CFAP47: variants seen among roughly 807,000 people sequenced by gnomAD.
The protein encoded by CFAP47 is cilia and flagella associated protein 47.
A neutral mutation model predicts 148.1 loss-of-function variants in CFAP47; 29 were observed. The observed-to-expected ratio is 0.20, with a 90% confidence interval of 0.15 to 0.27. CFAP47 has a LOEUF of 0.27. Ranked by LOEUF, CFAP47 falls within the 10% of genes least tolerant of loss-of-function variation. The pLI is 1.00. For missense variants in CFAP47, 1,872 were observed against 1,697.5 expected (o/e 1.10, Z -1.81); for synonymous variants, 664 against 577.3 (o/e 1.15, Z -2.15).
chrX:36,236,926 A>T, intron 48 of CFAP47, 67 bp downstream of exon 48: 1 of 411,210 alleles, frequency 2.4e-6, no homozygotes, highest in Non-Finnish European at 4.3e-6. Context: ...AAATATAATA[A>T]TTACAAACAA....
intron 3 of CFAP47, among the ~76,000 whole-genome samples, chrX:35,943,882 C>T (rs764910299): frequency 2.4e-4 from 26 of 110,634 alleles, no homozygotes; most frequent in East Asian, 5.7e-4. Context: ...TGTTTTGATA[C>T]GGGCATCCAA....
intron 33 of CFAP47, among the ~76,000 whole-genome samples, chrX:36,129,722 C>T (rs1938910277): frequency 9.0e-6 from 1 of 111,101 alleles, no homozygotes; most frequent in Non-Finnish European, 1.9e-5. Flanking sequence ...TGAAATCTAT[C>T]TTAGGAGTAC....
rs1400926021 is a variant in CFAP47 at position 36,371,739 on chromosome X, TATGTGTGTATATACACAC to T, written c.9185+4637_9185+4654del. ...GTGTATATACACACATGTGTGTATA[TATGTGTGTATATACACAC>T]ATGTGTGTATATACACACATGTGTA... is the stretch of plus-strand genomic sequence containing the variant. On this transcript the variant is annotated intron_variant, in intron 62 of 63. Coordinates refer to ENST00000378653, the MANE Select transcript of CFAP47 (RefSeq NM_001304548.2). Among the ~76,000 whole-genome samples, 138 of 58,721 alleles carry T rather than the reference TATGTGTGTATATACACAC, an allele frequency of 2.4e-3. 9 individuals are homozygous for T. Among genetic ancestry groups the T allele is most frequent in the Admixed American group, 3.6e-3 (21 of 5,871 alleles). 51.0% of individuals were successfully genotyped at this position (58,721 alleles called of 115,157 possible).
intron 15 of CFAP47, among the ~76,000 whole-genome samples, chrX:35,977,719 C>T (rs992127489): frequency 8.9e-6 from 1 of 111,934 alleles, no homozygotes; most frequent in African/African-American, 3.2e-5. Context: ...TTGTGAATAT[C>T]AGTCATTTCC....
chrX:36,228,868 A>C (rs1216687462), intron 46 of CFAP47, 44 bp downstream of exon 46: 9 of 495,664 alleles, frequency 1.8e-5, no homozygotes, highest in Non-Finnish European at 3.3e-5. Flanking sequence ...TCATATTGCC[A>C]CTGTGTCAAT....
intron 26 of CFAP47, among the ~76,000 whole-genome samples, chrX:36,051,798 T>A (rs969302949): frequency 3.6e-5 from 4 of 111,224 alleles, no homozygotes; most frequent in Non-Finnish European, 7.5e-5. Flanking sequence ...TGGCTATGTC[T>A]CTACCCAAAG....
At chrX:36,310,713 T>A in intron 55 of CFAP47, 120 bp from the exon 56 acceptor site, 1 of 366,568 alleles carries the variant, frequency 2.7e-6, no homozygotes, top group Non-Finnish European at 4.6e-6. Flanking sequence ...AAACAATGCT[T>A]TTTAACAACA....
intron 46 of CFAP47, among the ~76,000 whole-genome samples, chrX:36,231,292 C>T (rs1305567632): frequency 2.8e-5 from 3 of 106,020 alleles, no homozygotes; most frequent in Non-Finnish European, 5.8e-5. Context: ...TTTCCTTGAG[C>T]AGTGGTTTGT....
intron 29 of CFAP47, among the ~76,000 whole-genome samples, chrX:36,082,664 G>A (rs1938005527): frequency 9.0e-6 from 1 of 111,068 alleles, no homozygotes; most frequent in African/African-American, 3.3e-5. Flanking sequence ...ACACATCCTA[G>A]AATGCCAGTC....
chrX:36,032,018 T>C (rs1229086957), intron 23 of CFAP47, among the ~76,000 whole-genome samples: 1 of 111,318 alleles, frequency 9.0e-6, no homozygotes, highest in East Asian at 2.8e-4. Flanking sequence ...AAATTATAGT[T>C]AGAGATCAAT....
chrX:36,306,915 A>G, intron 55 of CFAP47, 39 bp downstream of exon 55: 1 of 648,300 alleles, frequency 1.5e-6, no homozygotes, highest in Non-Finnish European at 2.2e-6. Flanking sequence ...AAGTTAATTA[A>G]ATTTTAAATC....
chrX:36,018,698 G>T (rs1439598709), intron 22 of CFAP47, among the ~76,000 whole-genome samples: 1 of 111,568 alleles, frequency 9.0e-6, no homozygotes, highest in Non-Finnish European at 1.9e-5. Context: ...AATCCCACTT[G>T]GTCATGATGA....
At chrX:36,189,076 G>T (rs973456245) in intron 41 of CFAP47, among the ~76,000 whole-genome samples, 9 of 111,667 alleles carry the variant, frequency 8.1e-5, no homozygotes, top group Admixed American at 1.9e-4. Context: ...ATAACTATAG[G>T]TCTAGAAAAG....
intron 7 of CFAP47, among the ~76,000 whole-genome samples, chrX:35,954,936 A>G (rs1362512540): frequency 8.9e-6 from 1 of 112,274 alleles, no homozygotes; most frequent in Non-Finnish European, 1.9e-5. Flanking sequence ...TTGGAGAAAA[A>G]CATACAACCT....
chrX:36,126,252 C>T (rs1224780200), intron 33 of CFAP47, among the ~76,000 whole-genome samples: 1 of 109,729 alleles, frequency 9.1e-6, no homozygotes, highest in Non-Finnish European at 1.9e-5. Context: ...CCCTAGGCTC[C>T]CACCCCCTGA....
intron 61 of CFAP47, among the ~76,000 whole-genome samples, chrX:36,363,375 G>T (rs1355956684): frequency 9.0e-6 from 1 of 111,007 alleles, no homozygotes; most frequent in African/African-American, 3.3e-5. Context: ...AACCTGCACA[G>T]GATGTTACTA....
intron 33 of CFAP47, among the ~76,000 whole-genome samples, chrX:36,118,759 C>G (rs1419152886): frequency 8.9e-6 from 1 of 111,895 alleles, no homozygotes; most frequent in Non-Finnish European, 1.9e-5. Context: ...CAGGTGTGAG[C>G]CACCGCGCCC....
chrX:36,117,627 AT>A (rs1484232718), intron 33 of CFAP47, among the ~76,000 whole-genome samples: 2 of 111,717 alleles, frequency 1.8e-5, no homozygotes, highest in African/African-American at 6.5e-5. Flanking sequence ...TGAGCTTCTT[AT>A]ATATTCTGGT....
chrX:35,942,028 C>CTGTG (rs59083788), intron 3 of CFAP47, among the ~76,000 whole-genome samples: 42 of 103,863 alleles, frequency 4.0e-4, no homozygotes, highest in Admixed American at 1.1e-3. Flanking sequence ...GTGTGTGTGT[C>CTGTG]TGTGTGTGTG....
Sources: gnomAD v4.1 joint callset for allele counts (sites outside exome capture counted in the v4.1 genomes callset) on GRCh38, gnomAD v4.1.1 for gene constraint, MANE v1.5 for transcripts, NCBI Gene and HGNC (gene_info 2026-07-23, HGNC 2026-07-21) for gene names.